SUGCT: variants seen among roughly 807,000 people sequenced by gnomAD.
The protein encoded by SUGCT is succinyl-CoA:glutarate-CoA transferase, also known as succinyl-CoA:glutarate CoA-transferase.
A neutral mutation model predicts 55.0 loss-of-function variants in SUGCT; 41 were observed. The ratio of observed to expected loss-of-function variants is 0.74; its 90% confidence interval spans 0.58 to 0.97. The LOEUF (loss-of-function observed/expected upper bound fraction) is 0.97, where lower values mean the gene tolerates loss of function less well. Ranked by LOEUF, SUGCT falls within the 50% of genes least tolerant of loss-of-function variation. The probability of loss-of-function intolerance (pLI) is 0.00; values close to 1 mark genes in which losing one functional copy is unlikely to be tolerated. For missense variants in SUGCT, 568 were observed against 547.8 expected (o/e 1.04, Z -0.37); for synonymous variants, 187 against 200.4 (o/e 0.93, Z 0.56).
chr7:40,449,849 G>A (rs1246188002), intron 10 of SUGCT, among the ~76,000 whole-genome samples: 1 of 151,780 alleles, frequency 6.6e-6, no homozygotes, highest in East Asian at 1.9e-4. Context: ...CCTTTCTGAA[G>A]AATTTATGTT....
At chr7:40,838,536 A>G (rs905571592) in intron 13 of SUGCT, among the ~76,000 whole-genome samples, 1 of 152,032 alleles carries the variant, frequency 6.6e-6, no homozygotes, top group African/African-American at 2.4e-5. Flanking sequence ...TGTGTTTTTA[A>G]TTTCAGTTTC....
intron 12 of SUGCT, among the ~76,000 whole-genome samples, chr7:40,713,409 T>C (rs1364992048): frequency 6.6e-6 from 1 of 152,216 alleles, no homozygotes; most frequent in African/African-American, 2.4e-5. Flanking sequence ...TTCTTGGTTA[T>C]CTTCTGCAGG....
chr7:40,833,723 G>A (rs1185174242), intron 13 of SUGCT, among the ~76,000 whole-genome samples: 1 of 152,172 alleles, frequency 6.6e-6, no homozygotes. Flanking sequence ...TGGACTGAAT[G>A]AGTCAGTGAG....
chr7:40,699,747 T>G (rs1045298032), intron 12 of SUGCT, among the ~76,000 whole-genome samples: 4 of 152,038 alleles, frequency 2.6e-5, no homozygotes, highest in Non-Finnish European at 5.9e-5. Context: ...TGCACATCTG[T>G]AATCCCAGCT....
At chr7:40,205,417 A>C (rs1304232490) in intron 6 of SUGCT, among the ~76,000 whole-genome samples, 1 of 150,434 alleles carries the variant, frequency 6.6e-6, no homozygotes, top group Non-Finnish European at 1.5e-5. Flanking sequence ...CAAGGTGGGC[A>C]GATCATCTGA....
In SUGCT at chr7:40,135,666, C is replaced by CT. The variant is rs953135213; in HGVS notation, c.100+554dup. 1.2e-3 allele frequency among the ~76,000 whole-genome samples: 187 copies of CT among 151,522 alleles called. 2 individuals are homozygous for CT. The highest frequency in any genetic ancestry group is 4.2e-3 in the African/African-American group (175 of 41,312). Reference sequence around the variant, plus strand: ...TTTTTTTCCTTTTTTCTTTTTTTCTCTTTTTTTTGAGACGGAGTCTCGCTG... The same window carrying CT: ...TTTTTTTCCTTTTTTCTTTTTTTCTCTTTTTTTTTGAGACGGAGTCTCGCTG... On this transcript the variant is annotated intron_variant, in intron 1 of 13. Coordinates refer to ENST00000335693, the MANE Select transcript of SUGCT (RefSeq NM_001193313.2).
rs185758096 is a variant in SUGCT at position 40,580,700 on chromosome 7, A to G, written c.1089+84314A>G. ...TAATATGTGCAGTCATGTGCCATGTATGATGTTTTGGTCAATGACAGACCA... is the reference window on the plus strand; with the variant it reads ...TAATATGTGCAGTCATGTGCCATGTGTGATGTTTTGGTCAATGACAGACCA... On this transcript the variant is annotated intron_variant, in intron 12 of 13. Transcript: ENST00000335693. 2.6e-5 allele frequency among the ~76,000 whole-genome samples: 4 copies of G among 152,340 alleles called. No homozygotes were observed. In the East Asian group the frequency reaches 5.8e-4, roughly 22 times the overall value.
At chr7:40,574,550 G>A (rs1796620686) in intron 12 of SUGCT, among the ~76,000 whole-genome samples, 2 of 152,018 alleles carry the variant, frequency 1.3e-5, no homozygotes, top group African/African-American at 4.8e-5. Flanking sequence ...TCTTGCCTCA[G>A]CCTCTCGAGT....
intron 3 of SUGCT, among the ~76,000 whole-genome samples, chr7:40,188,121 T>C (rs1441877917): frequency 1.3e-5 from 2 of 150,508 alleles, no homozygotes; most frequent in Non-Finnish European, 2.9e-5. Context: ...TTTATTTTTA[T>C]TTTCAAGGTC....
At chr7:40,561,722 C>G (rs1018620771) in intron 12 of SUGCT, among the ~76,000 whole-genome samples, 1 of 130,436 alleles carries the variant, frequency 7.7e-6, no homozygotes, top group Non-Finnish European at 1.6e-5. Flanking sequence ...GATGGAGTCT[C>G]GTTCTGTTGC....
chr7:40,470,620 A>T (rs1306851711), intron 11 of SUGCT, among the ~76,000 whole-genome samples: 1 of 152,072 alleles, frequency 6.6e-6, no homozygotes, highest in Non-Finnish European at 1.5e-5. Flanking sequence ...TGAGGCTCAG[A>T]TTGCTATCTT....
At chr7:40,620,509 C>A (rs1799214863) in intron 12 of SUGCT, among the ~76,000 whole-genome samples, 1 of 152,012 alleles carries the variant, frequency 6.6e-6, no homozygotes, top group Non-Finnish European at 1.5e-5. Context: ...TCAGGCGATT[C>A]TCCCTGCCTC....
intron 13 of SUGCT, among the ~76,000 whole-genome samples, chr7:40,762,148 C>A (rs927743067): frequency 6.6e-6 from 1 of 152,168 alleles, no homozygotes; most frequent in Non-Finnish European, 1.5e-5. Context: ...ATAGCTCACA[C>A]GGTGATGCTC....
intron 9 of SUGCT, among the ~76,000 whole-genome samples, chr7:40,375,610 C>A (rs577940871): frequency 6.6e-6 from 1 of 152,294 alleles, no homozygotes; most frequent in East Asian, 1.9e-4. Flanking sequence ...AACTATCCCT[C>A]ATTTGAGAGA....
At chr7:40,640,093 G>A (rs1246889997) in intron 12 of SUGCT, among the ~76,000 whole-genome samples, 1 of 152,070 alleles carries the variant, frequency 6.6e-6, no homozygotes, top group Non-Finnish European at 1.5e-5. Flanking sequence ...AACAATTCTT[G>A]CACCTTCTTA....
chr7:40,875,437 T>C, the SUGCT span, among the ~76,000 whole-genome samples: 1 of 152,206 alleles, frequency 6.6e-6, no homozygotes. Flanking sequence ...GTCCTACCCA[T>C]GGCATTGATG....
chr7:40,154,441 G>A (rs1268451647), intron 1 of SUGCT, among the ~76,000 whole-genome samples: 1 of 152,162 alleles, frequency 6.6e-6, no homozygotes, highest in African/African-American at 2.4e-5. Context: ...CTAGTGAAAA[G>A]CCTAGTAAAA....
At chr7:41,007,500 G>A in the SUGCT span, among the ~76,000 whole-genome samples, 3 of 152,142 alleles carry the variant, frequency 2.0e-5, no homozygotes, top group Admixed American at 6.5e-5. Flanking sequence ...CTGTGTGCAC[G>A]CCTTAGAATA....
At chr7:40,191,794 A>G (rs1785924175) in intron 5 of SUGCT, among the ~76,000 whole-genome samples, 1 of 152,148 alleles carries the variant, frequency 6.6e-6, no homozygotes, top group Non-Finnish European at 1.5e-5. Context: ...TTTCTGGTAC[A>G]GATTTCTCTT....
Sources: gnomAD v4.1 joint callset for allele counts (sites outside exome capture counted in the v4.1 genomes callset) on GRCh38, gnomAD v4.1.1 for gene constraint, MANE v1.5 for transcripts, NCBI Gene and HGNC (gene_info 2026-07-23, HGNC 2026-07-21) for gene names.